The following GABBR2 variants were observed in gnomAD, a reference collection of about 807,000 sequenced individuals.
GABBR2 encodes the protein gamma-aminobutyric acid type B receptor subunit 2.
A neutral mutation model predicts 105.6 loss-of-function variants in GABBR2; 23 were observed. The observed-to-expected ratio is 0.22, with a 90% CI of 0.16 to 0.31. The LOEUF (loss-of-function observed/expected upper bound fraction) is 0.31, where lower values mean the gene tolerates loss of function less well. GABBR2 is among the 10% of genes least tolerant of loss of function. GABBR2 has a pLI of 1.00. For missense variants in GABBR2, 734 were observed against 1,245.5 expected (o/e 0.59, Z 6.18); for synonymous variants, 478 against 499.7 (o/e 0.96, Z 0.58).
chr9:98,359,645 G>A (rs1416026632), intron 13 of GABBR2, among the ~76,000 whole-genome samples: 2 of 152,172 alleles, frequency 1.3e-5, no homozygotes, highest in Admixed American at 6.5e-5. Flanking sequence ...TTTCAGAGTC[G>A]ACAGTGATCT....
chr9:98,450,185 A>C (rs1755103401), intron 7 of GABBR2, among the ~76,000 whole-genome samples: 1 of 152,206 alleles, frequency 6.6e-6, no homozygotes, highest in African/African-American at 2.4e-5. Context: ...TGTCTGCCTG[A>C]GAGTGGAAAA....
intron 2 of GABBR2, among the ~76,000 whole-genome samples, chr9:98,573,278 AAC>A (rs1828859588): frequency 6.6e-6 from 1 of 152,126 alleles, no homozygotes; most frequent in Admixed American, 6.5e-5. Flanking sequence ...TATTTTTCAC[AAC>A]ACTTATTATT....
At chr9:98,498,023 T>G (rs1281193518) in intron 3 of GABBR2, among the ~76,000 whole-genome samples, 1 of 152,218 alleles carries the variant, frequency 6.6e-6, no homozygotes. Context: ...TTGTGGTGTA[T>G]ACAGACAGTG....
At chr9:98,384,169 ACT>A (rs1432769262) in intron 11 of GABBR2, among the ~76,000 whole-genome samples, 1 of 152,138 alleles carries the variant, frequency 6.6e-6, no homozygotes, top group East Asian at 1.9e-4. Context: ...TGCATGTGGG[ACT>A]CTAAAGAGAC....
chr9:98,453,934 G>A, intron 7 of GABBR2, 47 bp downstream of exon 7: 1 of 1,287,566 alleles, frequency 7.8e-7, no homozygotes, highest in Non-Finnish European at 1.1e-6. Flanking sequence ...TGCTTTGCAT[G>A]TTTACAAGGA....
chr9:98,389,008 G>C lies in GABBR2; in HGVS notation c.1379-4C>G. The C allele has an allele frequency of 1.9e-6, 3 of 1,611,332 alleles. No homozygotes were observed. Among genetic ancestry groups the C allele is most frequent in the Non-Finnish European group, 2.5e-6 (3 of 1,178,508 alleles). ...TTGTCTTTTGGTGGTTCGGATCCTAGAGGATCAAGAGAAGACATCAGTGGG... is the reference window on the plus strand; with the variant it reads ...TTGTCTTTTGGTGGTTCGGATCCTACAGGATCAAGAGAAGACATCAGTGGG... On this transcript the variant is annotated splice_region_variant and splice_polypyrimidine_tract_variant and intron_variant, in intron 9 of 18. Coordinates refer to ENST00000259455, the MANE Select transcript of GABBR2 (RefSeq NM_005458.8).
At chr9:98,618,798 CTCCAGAAGAGACA>C (rs138229778) in intron 1 of GABBR2, among the ~76,000 whole-genome samples, 134,802 of 152,036 alleles carry the variant, frequency 0.89, 59,844 homozygotes, top group Middle Eastern at 0.96. Flanking sequence ...GACAGAAAGA[CTCCAGAAGAGACA>C]GGCCCAGAGG....
intron 1 of GABBR2, among the ~76,000 whole-genome samples, chr9:98,660,096 G>A (rs1458877305): frequency 6.6e-6 from 1 of 152,054 alleles, no homozygotes; most frequent in Non-Finnish European, 1.5e-5. Context: ...ACTGGATACA[G>A]AAAACACTGT....
rs374873364 is a variant in GABBR2 at position 98,656,926 on chromosome 9, C to T, written c.321+51491G>A. The stretch of plus-strand genomic sequence containing the variant: ...GGGGTGCTGGCAAGAGCAAAGCTGG[C>T]CCTAGATGCTGGATCAGAGGTTGCA... On this transcript the variant is annotated intron_variant, in intron 1 of 18. Transcript: ENST00000259455. Among the ~76,000 whole-genome samples the T allele has an allele frequency of 1.1e-4, 16 of 152,296 alleles. No individual in the cohort carries two copies. The East Asian group carries it at 2.5e-3, about 24-fold the overall frequency.
rs931760780 is a variant in GABBR2 at position 98,386,643 on chromosome 9, C to T, written c.1530-871G>A. On this transcript the variant is annotated intron_variant, in intron 10 of 18. Transcript: ENST00000259455. ...CATCAGTGGGCTTGTAGGTGCCTGG[C>T]CCCCCCAGCACAATCAGCTCAGAAG... is the stretch of plus-strand genomic sequence containing the variant. Among the ~76,000 whole-genome samples the T allele has an allele frequency of 6.6e-5, 10 of 152,174 alleles. No individual in the cohort carries two copies. In the South Asian group the frequency reaches 2.1e-3, roughly 32 times the overall value.
At chr9:98,423,158 C>G (rs571162791) in intron 7 of GABBR2, among the ~76,000 whole-genome samples, 2 of 152,308 alleles carry the variant, frequency 1.3e-5, no homozygotes, top group African/African-American at 4.8e-5. Context: ...AATGGTATTT[C>G]TACTTCTGGA....
chr9:98,480,446 A>G (rs1488605705), intron 5 of GABBR2, among the ~76,000 whole-genome samples: 1 of 152,176 alleles, frequency 6.6e-6, no homozygotes, highest in Non-Finnish European at 1.5e-5. Context: ...AAATGGGAAA[A>G]TCATAGTTGC....
chr9:98,493,515 T>C (rs1043223668), intron 4 of GABBR2, among the ~76,000 whole-genome samples: 1 of 152,200 alleles, frequency 6.6e-6, no homozygotes, highest in Non-Finnish European at 1.5e-5. Context: ...GGCGATTTCC[T>C]CTGAATTCTG....
chr9:98,389,711 G>A (rs1832144791), intron 9 of GABBR2, among the ~76,000 whole-genome samples: 1 of 152,196 alleles, frequency 6.6e-6, no homozygotes, highest in Non-Finnish European at 1.5e-5. Flanking sequence ...GGAACCCTGA[G>A]GGTTTCAGAG....
chr9:98,447,784 T>A (rs1389949498), intron 7 of GABBR2, among the ~76,000 whole-genome samples: 1 of 151,410 alleles, frequency 6.6e-6, no homozygotes, highest in East Asian at 1.9e-4. Context: ...CTCTATGATG[T>A]CCTCCTTTTA....
At chr9:98,397,525 C>T (rs1832315690) in intron 8 of GABBR2, among the ~76,000 whole-genome samples, 1 of 152,134 alleles carries the variant, frequency 6.6e-6, no homozygotes, top group East Asian at 1.9e-4. Context: ...TAGCTTGGAA[C>T]CTAACTCACG....
chr9:98,693,405 C>A (rs770729452), intron 1 of GABBR2, among the ~76,000 whole-genome samples: 1 of 152,222 alleles, frequency 6.6e-6, no homozygotes, highest in East Asian at 1.9e-4. Flanking sequence ...TCAGCTATAT[C>A]TCTAAACTAG....
At chr9:98,317,789 A>G (rs1264640540) in intron 13 of GABBR2, among the ~76,000 whole-genome samples, 1 of 152,230 alleles carries the variant, frequency 6.6e-6, no homozygotes, top group Non-Finnish European at 1.5e-5. Context: ...TGGAGGGTAC[A>G]TTCCAGTGGA....
chr9:98,599,211 G>A (rs1564126620), intron 1 of GABBR2, among the ~76,000 whole-genome samples: 1 of 152,152 alleles, frequency 6.6e-6, no homozygotes, highest in Non-Finnish European at 1.5e-5. Context: ...AGACTGACAT[G>A]GCATGACCCT....
Sources: gnomAD v4.1 joint callset for allele counts (sites outside exome capture counted in the v4.1 genomes callset) on GRCh38, gnomAD v4.1.1 for gene constraint, MANE v1.5 for transcripts, NCBI Gene and HGNC (gene_info 2026-07-23, HGNC 2026-07-21) for gene names.